NALCN: variants seen among roughly 807,000 people sequenced by gnomAD.
The protein encoded by NALCN is sodium leak channel, non-selective, also known as sodium leak channel NALCN.
NALCN carries 111 observed loss-of-function variants against 225.3 expected under a neutral mutation model. The observed-to-expected ratio is 0.49, with a 90% CI of 0.42 to 0.58. The LOEUF (loss-of-function observed/expected upper bound fraction) is 0.58, where lower values mean the gene tolerates loss of function less well. Among genes scored for constraint, NALCN ranks in the 20% least tolerant of loss-of-function variants. The pLI is 0.00. For missense variants in NALCN, 1,378 were observed against 2,202.4 expected, an observed-to-expected ratio of 0.63 and a Z score of 7.49; for synonymous variants, 764 against 769.0, an observed-to-expected ratio of 0.99 and a Z score of 0.11.
At chr13:101,058,159 A>T in intron 42 of NALCN, 103 bp from the exon 43 acceptor site, 1 of 948,072 alleles carries the variant, frequency 1.1e-6, no homozygotes, top group South Asian at 1.6e-5. Context: ...AAGTGGGAAG[A>T]ACAACATGGA....
chr13:101,289,087 T>A (rs1422489357), intron 9 of NALCN, among the ~76,000 whole-genome samples: 1 of 152,162 alleles, frequency 6.6e-6, no homozygotes, highest in Non-Finnish European at 1.5e-5. Context: ...AACCCTATAG[T>A]GGATTAACAA....
intron 17 of NALCN, among the ~76,000 whole-genome samples, chr13:101,130,069 A>G (rs756042540): frequency 6.6e-6 from 1 of 152,132 alleles, no homozygotes; most frequent in Non-Finnish European, 1.5e-5. Flanking sequence ...ATATGGCTGC[A>G]TAGTATTCCA....
chr13:101,312,524 T>C (rs1036172490), intron 7 of NALCN, among the ~76,000 whole-genome samples: 3 of 152,012 alleles, frequency 2.0e-5, no homozygotes, highest in Admixed American at 2.0e-4. Flanking sequence ...CTCTACACAC[T>C]GCTTTGAATG....
At chr13:101,390,061 G>A (rs1398246458) in intron 3 of NALCN, among the ~76,000 whole-genome samples, 1 of 152,190 alleles carries the variant, frequency 6.6e-6, no homozygotes, top group Non-Finnish European at 1.5e-5. Flanking sequence ...CGGCCTGGGT[G>A]ACAGAGCGAG....
At chr13:101,313,278 A>G (rs930535496) in intron 7 of NALCN, among the ~76,000 whole-genome samples, 1 of 152,152 alleles carries the variant, frequency 6.6e-6, no homozygotes, top group Admixed American at 6.5e-5. Context: ...ATGGGCAAAG[A>G]CTTCATGTCT....
At chr13:101,083,663 C>T (rs777028555) in intron 31 of NALCN, 48 bp downstream of exon 31, 12 of 1,545,282 alleles carry the variant, frequency 7.8e-6, no homozygotes, top group Admixed American at 3.5e-5. Context: ...CCTGGGGAAT[C>T]GTGCACACTA....
chr13:101,122,554 A>G (rs1376979430), intron 18 of NALCN, among the ~76,000 whole-genome samples: 1 of 152,238 alleles, frequency 6.6e-6, no homozygotes, highest in Non-Finnish European at 1.5e-5. Flanking sequence ...ACACTTCTGT[A>G]TATTTAAAAA....
chr13:101,364,896 AT>A (rs1008515810), intron 6 of NALCN, among the ~76,000 whole-genome samples: 1 of 152,174 alleles, frequency 6.6e-6, no homozygotes, highest in Non-Finnish European at 1.5e-5. Flanking sequence ...AAATAAATAC[AT>A]AGGAATCAAG....
In NALCN at chr13:101,074,548, A is replaced by G. The variant is rs368260323; in HGVS notation, c.4069T>C (p.Phe1357Leu). 1.2e-6 allele frequency: 2 copies of G among 1,613,478 alleles called. No individual in the cohort carries two copies. The highest frequency in any genetic ancestry group is 1.7e-6 in the Non-Finnish European group (2 of 1,179,876). Reference protein sequence around the residue: ...LCYAFAGVVLFGTVKYGENIN... With the variant: ...LCYAFAGVVLLGTVKYGENIN... The stretch of plus-strand genomic sequence containing the variant: ...TTCTCCCCATATTTCACAGTACCAA[A>G]TAAAACAACTCCAGCAAAAGCGTAA... Residue 1357 changes from phenylalanine (F) to leucine (L), a missense_variant, in exon 36 of 44, where the codon TTT becomes CTT. Phe to Leu is a conservative substitution (Grantham distance 22). Around this residue, in one of 19 missense-constraint regions of NALCN, gnomAD observed 76 missense variants for 118.7 expected, o/e 0.64. Coordinates refer to ENST00000251127, the MANE Select transcript of NALCN (RefSeq NM_052867.4).
At chr13:101,211,765 G>A (rs1025554287) in intron 13 of NALCN, among the ~76,000 whole-genome samples, 1 of 151,464 alleles carries the variant, frequency 6.6e-6, no homozygotes, top group Non-Finnish European at 1.5e-5. Flanking sequence ...CTTCAGATGA[G>A]ACTCAATTTT....
intron 13 of NALCN, among the ~76,000 whole-genome samples, chr13:101,224,448 T>C (rs1356210450): frequency 2.0e-5 from 3 of 152,190 alleles, no homozygotes; most frequent in African/African-American, 7.2e-5. Context: ...AATTCCCTAA[T>C]CATATCAACC....
At chr13:101,272,406 G>A (rs2042825996) in intron 10 of NALCN, among the ~76,000 whole-genome samples, 1 of 152,300 alleles carries the variant, frequency 6.6e-6, no homozygotes, top group African/African-American at 2.4e-5. Flanking sequence ...GAACGCAGCT[G>A]GATATGTACA....
At chr13:101,165,995 C>T (rs77251136) in intron 15 of NALCN, among the ~76,000 whole-genome samples, 3,443 of 152,272 alleles carry the variant, frequency 0.023, 108 homozygotes, top group African/African-American at 0.072. Context: ...AGAAACCATA[C>T]AGAATTTGTC....
At chr13:101,105,630 A>G (rs1327636497) in intron 22 of NALCN, among the ~76,000 whole-genome samples, 1 of 98,452 alleles carries the variant, frequency 1.0e-5, no homozygotes, top group African/African-American at 3.2e-5. Flanking sequence ...AGGATAATTC[A>G]AGATAAAAAA....
At chr13:101,111,078 C>T in intron 19 of NALCN, 47 bp downstream of exon 19, 2 of 1,560,960 alleles carry the variant, frequency 1.3e-6, no homozygotes, top group Non-Finnish European at 8.8e-7. Flanking sequence ...TCCTGTAAAA[C>T]CCCCCTTTTT....
chr13:101,074,279 GTTTTC>G (rs1462796370), intron 36 of NALCN, among the ~76,000 whole-genome samples: 8 of 151,964 alleles, frequency 5.3e-5, no homozygotes, highest in Admixed American at 5.2e-4. Context: ...GATTCTTTTT[GTTTTC>G]TTTTATTTCT....
intron 10 of NALCN, among the ~76,000 whole-genome samples, chr13:101,261,067 G>A (rs1475786391): frequency 6.6e-6 from 1 of 152,116 alleles, no homozygotes; most frequent in Admixed American, 6.5e-5. Context: ...AGAGATAGGG[G>A]TTAGTTTCAT....
At position 101,272,102 on chromosome 13, in the gene NALCN, T is replaced by C. The variant is rs181587269; in HGVS notation, c.1134+11831A>G. ...ATGTGTATGTGCACGAGTGTGCATG[T>C]GTGTGTCTGTGTCACTGTGTGTGTT... is the stretch of plus-strand genomic sequence containing the variant. On this transcript the variant is annotated intron_variant, in intron 10 of 43. Coordinates refer to ENST00000251127, the MANE Select transcript of NALCN (RefSeq NM_052867.4). 2.2e-3 allele frequency among the ~76,000 whole-genome samples: 331 copies of C among 152,094 alleles called. 2 individuals carry two copies. The highest frequency in any genetic ancestry group is 7.3e-3 in the African/African-American group (303 of 41,472).
chr13:101,183,346 A>G (rs1156835693), intron 14 of NALCN, among the ~76,000 whole-genome samples: 1 of 152,264 alleles, frequency 6.6e-6, no homozygotes, highest in African/African-American at 2.4e-5. Flanking sequence ...CAGGAGTGTC[A>G]TCATATGTAT....
Sources: gnomAD v4.1 joint callset for allele counts (sites outside exome capture counted in the v4.1 genomes callset) on GRCh38, gnomAD v4.1.1 for gene constraint, gnomAD v4.1.1 regional missense constraint, MANE v1.5 for transcripts, NCBI Gene and HGNC (gene_info 2026-07-23, HGNC 2026-07-21) for gene names.